The following TMEM184B variants were observed in gnomAD, a reference collection of about 807,000 sequenced individuals.
The protein encoded by TMEM184B is transmembrane protein 184B.
In TMEM184B, 17 loss-of-function variants were observed where a neutral mutation model predicts 41.8. The observed-to-expected ratio is 0.41, with a 90% CI of 0.28 to 0.61. The LOEUF (loss-of-function observed/expected upper bound fraction) is 0.61, where lower values mean the gene tolerates loss of function less well. Ranked by LOEUF, TMEM184B falls within the 20% of genes least tolerant of loss-of-function variation. TMEM184B has a pLI of 0.34. For synonymous variants in TMEM184B, 240 were observed against 229.5 expected (o/e 1.05, Z -0.41); for missense variants, 393 against 557.8 (o/e 0.70, Z 2.98).
At position 38,226,758 on chromosome 22, in the gene TMEM184B, C is replaced by A. The variant is rs1322267017; in HGVS notation, c.617+21G>T. ...GCGCCAACACTCCTCCCACACACCC[C>A]GGGGAGCACCCGCTGCTTACTCAAA... On this transcript the variant is annotated intron_variant, in intron 6 of 8. Coordinates refer to ENST00000361906, the MANE Select transcript of TMEM184B (RefSeq NM_012264.5). This position sits in a 1 kb window ranked among gnomAD's most constrained non-coding sequence, Gnocchi z 4.6. 6.3e-7 allele frequency: 1 copy of A among 1,576,468 alleles called. No homozygotes were observed. The highest frequency in any genetic ancestry group is 2.3e-5 in the East Asian group (1 of 43,100).
intron 1 of TMEM184B, among the ~76,000 whole-genome samples, chr22:38,270,443 C>T (rs1358876842): frequency 6.6e-6 from 1 of 152,238 alleles, no homozygotes; most frequent in Non-Finnish European, 1.5e-5. Flanking sequence ...GCTCAATAAA[C>T]GGACTGTTGT....
At chr22:38,242,078 A>G (rs1419951411) in intron 3 of TMEM184B, among the ~76,000 whole-genome samples, 4 of 151,970 alleles carry the variant, frequency 2.6e-5, no homozygotes, top group African/African-American at 9.7e-5. Flanking sequence ...CAGAGTGAGG[A>G]GTTAGGGGAG....
intron 5 of TMEM184B, 78 bp downstream of exon 5, chr22:38,230,591 G>A (rs1402807819): frequency 6.1e-6 from 9 of 1,475,874 alleles, no homozygotes; most frequent in East Asian, 4.8e-5. Context: ...CTAAGGTGGG[G>A]CCCAGGGCAG....
intron 1 of TMEM184B, among the ~76,000 whole-genome samples, chr22:38,264,518 C>T (rs2092417078): frequency 6.6e-6 from 1 of 152,122 alleles, no homozygotes; most frequent in African/African-American, 2.4e-5. Flanking sequence ...CAGGGGACAC[C>T]ACAGCCATGC....
chr22:38,262,939 G>A (rs918674902), intron 1 of TMEM184B, among the ~76,000 whole-genome samples: 8 of 152,180 alleles, frequency 5.3e-5, no homozygotes, highest in African/African-American at 1.9e-4. Context: ...GTCTCGCTCT[G>A]TAGCTCAGGC....
intron 5 of TMEM184B, among the ~76,000 whole-genome samples, chr22:38,229,414 A>G (rs1249597154): frequency 6.6e-6 from 1 of 152,240 alleles, no homozygotes; most frequent in Non-Finnish European, 1.5e-5. Flanking sequence ...GAGTATCATT[A>G]CACTCATTTT....
At chr22:38,228,370 T>C (rs2091508746) in intron 5 of TMEM184B, among the ~76,000 whole-genome samples, 1 of 152,080 alleles carries the variant, frequency 6.6e-6, no homozygotes, top group South Asian at 2.1e-4. Flanking sequence ...ATTATCCCCA[T>C]GGTACAGGTG....
At chr22:38,235,841 G>A (rs1009815935) in intron 3 of TMEM184B, among the ~76,000 whole-genome samples, 4 of 152,232 alleles carry the variant, frequency 2.6e-5, no homozygotes, top group African/African-American at 9.6e-5. Context: ...TGTAAGAAGA[G>A]CGGAGAAGCT....
Position 38,267,059 on chromosome 22 carries a change from G to C in TMEM184B, c.-59+5825C>G, listed in dbSNP as rs543177999. Among the ~76,000 whole-genome samples the C allele has an allele frequency of 1.7e-3, 252 of 150,496 alleles. 1 individual carries two copies. The highest frequency in any genetic ancestry group is 5.8e-3 in the African/African-American group (237 of 40,976). ...AATCGCACCACTGCACTGTCTGCCT[G>C]GGCGACAGAGCAAAACTCTGTCTCA... On this transcript the variant is annotated intron_variant, in intron 1 of 8. Coordinates refer to ENST00000361906, the MANE Select transcript of TMEM184B (RefSeq NM_012264.5).
At chr22:38,263,647 T>C (rs369835846) in intron 1 of TMEM184B, among the ~76,000 whole-genome samples, 1 of 152,196 alleles carries the variant, frequency 6.6e-6, no homozygotes, top group African/African-American at 2.4e-5. Flanking sequence ...TGCACACGTG[T>C]TAACCCATCC....
At chr22:38,272,155 A>T (rs1227030393) in intron 1 of TMEM184B, among the ~76,000 whole-genome samples, 2 of 152,200 alleles carry the variant, frequency 1.3e-5, no homozygotes, top group African/African-American at 2.4e-5. Flanking sequence ...CAGAGGGGAT[A>T]TGTATTGGGA....
downstream of TMEM184B, among the ~76,000 whole-genome samples, chr22:38,218,089 T>C (rs1305985375): frequency 6.6e-6 from 1 of 152,136 alleles, no homozygotes; most frequent in Non-Finnish European, 1.5e-5. Context: ...CACATTGAGA[T>C]CTGATTTTCT....
chr22:38,262,215 G>A (rs1014289344), intron 1 of TMEM184B, among the ~76,000 whole-genome samples: 1 of 152,222 alleles, frequency 6.6e-6, no homozygotes, highest in African/African-American at 2.4e-5. Context: ...GGCACCACGC[G>A]AAAGTGCCAA....
At chr22:38,245,888 GC>G in intron 3 of TMEM184B, 46 bp downstream of exon 3, 14 of 545,830 alleles carry the variant, frequency 2.6e-5, no homozygotes, top group East Asian at 5.3e-5. Flanking sequence ...GGGGCTCCCA[GC>G]CCCCCAGCCC....
intron 3 of TMEM184B, among the ~76,000 whole-genome samples, chr22:38,232,679 T>C (rs2145608016): frequency 6.6e-6 from 1 of 152,122 alleles, no homozygotes; most frequent in East Asian, 1.9e-4. Context: ...GCCCCTGCAG[T>C]ACAGAGTCCT....
intron 3 of TMEM184B, among the ~76,000 whole-genome samples, chr22:38,235,286 C>A (rs2091744957): frequency 6.6e-6 from 1 of 152,204 alleles, no homozygotes; most frequent in Non-Finnish European, 1.5e-5. Context: ...TCCAGGGAAG[C>A]CACAGGGGCC....
At chr22:38,251,723 C>CCACAGGCA (rs1163159788) in intron 1 of TMEM184B, among the ~76,000 whole-genome samples, 5 of 152,184 alleles carry the variant, frequency 3.3e-5, no homozygotes, top group African/African-American at 1.2e-4. Flanking sequence ...CTGGCACAGC[C>CCACAGGCA]TGTGGACCTT....
intron 3 of TMEM184B, among the ~76,000 whole-genome samples, chr22:38,241,971 A>G (rs553403266): frequency 4.1e-5 from 6 of 145,126 alleles, no homozygotes; most frequent in Non-Finnish European, 9.0e-5. Context: ...AACATCATAT[A>G]AAACTGAAAA....
At chr22:38,263,682 G>C (rs2092403488) in intron 1 of TMEM184B, among the ~76,000 whole-genome samples, 1 of 152,222 alleles carries the variant, frequency 6.6e-6, no homozygotes, top group African/African-American at 2.4e-5. Context: ...GGGAGGCAGA[G>C]CTGCCGGTGA....
Sources: allele counts gnomAD v4.1 joint callset (sites outside exome capture counted in the v4.1 genomes callset), GRCh38; gene constraint gnomAD v4.1.1; non-coding constraint Gnocchi (gnomAD v3.1); transcripts MANE v1.5; gene names NCBI Gene and HGNC (gene_info 2026-07-23, HGNC 2026-07-21).